PPFIA2: variants seen among roughly 807,000 people sequenced by gnomAD.
PPFIA2 encodes liprin-alpha-2.
In PPFIA2, 46 loss-of-function variants were observed where a neutral mutation model predicts 175.5. The observed-to-expected ratio is 0.26, with a 90% CI of 0.21 to 0.34. PPFIA2 has a LOEUF of 0.34. Among genes scored for constraint, PPFIA2 ranks in the 10% least tolerant of loss-of-function variants. The pLI, the probability that PPFIA2 is intolerant of heterozygous loss-of-function variation, is 1.00. For synonymous variants in PPFIA2, 568 were observed against 511.4 expected (o/e 1.11, Z -1.49); for missense variants, 1,179 against 1,506.1 (o/e 0.78, Z 3.60).
chr12:81,605,910 T>C (rs1406212342), intron 4 of PPFIA2, among the ~76,000 whole-genome samples: 2 of 151,820 alleles, frequency 1.3e-5, no homozygotes, highest in East Asian at 3.9e-4. Context: ...CATAAGTGTA[T>C]TGCACCCAGG....
In PPFIA2 at chr12:81,368,842, C is replaced by A; in HGVS notation, c.1365G>T (p.Glu455Asp). 1 of 1,609,534 alleles carries A rather than the reference C, an allele frequency of 6.2e-7. No individual in the cohort carries two copies. Among genetic ancestry groups the A allele is most frequent in the Non-Finnish European group, 8.5e-7 (1 of 1,177,646 alleles). ...TCTTGTTATGCTCCTCATTCATTTT[C>A]TCTCTTTGCCTAGCCTTACATTTTA... The part of the protein sequence containing the change: ...NQELQRARQR[E>D]KMNEEHNKRL... Residue 455 changes from glutamate (E) to aspartate (D), a missense_variant, in exon 13 of 33, where the codon GAG becomes GAT. This residue lies in a region of PPFIA2 where 66 missense variants were observed against 129.4 expected (regional missense o/e 0.51). Coordinates refer to ENST00000549396, the MANE Select transcript of PPFIA2 (RefSeq NM_003625.5).
chr12:81,439,509 T>C (rs938113238), intron 7 of PPFIA2, among the ~76,000 whole-genome samples: 1 of 152,090 alleles, frequency 6.6e-6, no homozygotes, highest in Non-Finnish European at 1.5e-5. Flanking sequence ...GGGTTGTGAA[T>C]AGTAGCAGAA....
intron 3 of PPFIA2, among the ~76,000 whole-genome samples, chr12:81,706,172 T>C (rs1481979097): frequency 1.3e-5 from 2 of 152,184 alleles, no homozygotes; most frequent in African/African-American, 4.8e-5. Context: ...CTTAGAAGAT[T>C]AGACATTGTC....
At chr12:81,490,070 T>A (rs1019155974) in intron 4 of PPFIA2, among the ~76,000 whole-genome samples, 2 of 151,938 alleles carry the variant, frequency 1.3e-5, no homozygotes, top group Non-Finnish European at 2.9e-5. Flanking sequence ...CCTCCTCTTA[T>A]TAAGAATAAA....
chr12:81,286,948 C>T (rs2043599046), intron 24 of PPFIA2, among the ~76,000 whole-genome samples: 1 of 151,944 alleles, frequency 6.6e-6, no homozygotes, highest in African/African-American at 2.4e-5. Flanking sequence ...AACAATGATG[C>T]TCATTATAAA....
At chr12:81,703,512 T>C (rs1454336739) in intron 3 of PPFIA2, among the ~76,000 whole-genome samples, 1 of 152,102 alleles carries the variant, frequency 6.6e-6, no homozygotes, top group African/African-American at 2.4e-5. Context: ...ACCAACCCAC[T>C]AACTTGTAAC....
chr12:81,282,205 ATTATTT>A (rs942045796), intron 26 of PPFIA2, among the ~76,000 whole-genome samples: 8 of 152,088 alleles, frequency 5.3e-5, no homozygotes, highest in African/African-American at 4.8e-5. Context: ...ATTACTCTCT[ATTATTT>A]TTACAGAATT....
At chr12:81,587,982 GT>G (rs1350854680) in intron 4 of PPFIA2, among the ~76,000 whole-genome samples, 1 of 151,892 alleles carries the variant, frequency 6.6e-6, no homozygotes, top group Non-Finnish European at 1.5e-5. Flanking sequence ...ATTATGCTAG[GT>G]GTCAATAAAA....
At chr12:81,363,040 A>C (rs2031550303) in intron 14 of PPFIA2, among the ~76,000 whole-genome samples, 1 of 151,574 alleles carries the variant, frequency 6.6e-6, no homozygotes, top group South Asian at 2.1e-4. Flanking sequence ...GGAATATTAA[A>C]ATTATGACTA....
intron 4 of PPFIA2, among the ~76,000 whole-genome samples, chr12:81,520,521 C>A (rs1567170611): frequency 1.3e-5 from 2 of 152,186 alleles, no homozygotes; most frequent in Non-Finnish European, 2.9e-5. Flanking sequence ...GCAATAAACA[C>A]TTGTTCTTTC....
At chr12:81,704,525 A>C (rs1328215431) in intron 3 of PPFIA2, among the ~76,000 whole-genome samples, 2 of 152,050 alleles carry the variant, frequency 1.3e-5, no homozygotes, top group Non-Finnish European at 2.9e-5. Flanking sequence ...TAGCAAATGA[A>C]ACTTGTCTTT....
chr12:81,369,771 C>A (rs567868989), intron 11 of PPFIA2, among the ~76,000 whole-genome samples: 6 of 151,532 alleles, frequency 4.0e-5, no homozygotes, highest in African/African-American at 1.5e-4. Flanking sequence ...ACACTGACAC[C>A]AAACAGAACA....
intron 4 of PPFIA2, among the ~76,000 whole-genome samples, chr12:81,540,863 C>T (rs1406365237): frequency 1.3e-5 from 2 of 151,864 alleles, no homozygotes; most frequent in Admixed American, 6.6e-5. Flanking sequence ...GAAGTATTTT[C>T]CTACTGCTAT....
rs1202290246 is a variant in PPFIA2, at chr12:81,302,276, C to T, written c.2643-2894G>A. On this transcript the variant is annotated intron_variant, in intron 22 of 32. Transcript: ENST00000549396. ...TGAGCTTTTATTTCCCACTTTCTCA[C>T]AATAGTACTGATTCTAGCTGATCCC... is the stretch of plus-strand genomic sequence containing the variant. The T allele has an allele frequency of 1.4e-5, 5 of 352,962 alleles. No homozygotes were observed. In the Admixed American group the frequency reaches 1.8e-4, roughly 12 times the overall value. The allele number at this position is 352,962 out of a possible 1,614,324, so 21.9% of individuals were successfully genotyped here. A position where few individuals can be genotyped will look rare whatever the true frequency, so the allele number is the denominator to read the frequency against.
chr12:81,339,457 C>G, intron 20 of PPFIA2, 123 bp from the exon 21 acceptor site: 7 of 798,112 alleles, frequency 8.8e-6, no homozygotes, highest in Non-Finnish European at 1.2e-5. Flanking sequence ...CCCCTATTTT[C>G]CCATGTTTCC....
At chr12:81,288,275 A>C (rs1244026903) in intron 24 of PPFIA2, among the ~76,000 whole-genome samples, 1 of 151,836 alleles carries the variant, frequency 6.6e-6, no homozygotes, top group African/African-American at 2.4e-5. Flanking sequence ...AGGATGAGGC[A>C]CATGAGGTCC....
chr12:81,403,392 A>C (rs1348506792), intron 8 of PPFIA2, among the ~76,000 whole-genome samples: 2 of 152,220 alleles, frequency 1.3e-5, no homozygotes, highest in African/African-American at 4.8e-5. Flanking sequence ...CCGAAAAATA[A>C]TCTGTCATAA....
intron 3 of PPFIA2, among the ~76,000 whole-genome samples, chr12:81,715,116 T>G (rs980011958): frequency 1.1e-4 from 16 of 151,018 alleles, no homozygotes; most frequent in Non-Finnish European, 1.2e-4. Flanking sequence ...TTGGTCCTAA[T>G]TTTACAAGAT....
At chr12:81,554,360 G>C (rs1339367217) in intron 4 of PPFIA2, among the ~76,000 whole-genome samples, 6 of 151,996 alleles carry the variant, frequency 3.9e-5, no homozygotes, top group Non-Finnish European at 7.4e-5. Flanking sequence ...GGAACTCAAA[G>C]ACTGGGATGT....
Sources: gnomAD v4.1 joint callset for allele counts (sites outside exome capture counted in the v4.1 genomes callset) on GRCh38, gnomAD v4.1.1 for gene constraint, gnomAD v4.1.1 regional missense constraint, MANE v1.5 for transcripts, NCBI Gene and HGNC (gene_info 2026-07-23, HGNC 2026-07-21) for gene names.